S100A16: variants seen among roughly 807,000 people sequenced by gnomAD.
S100A16 encodes the protein protein S100-A16.
In S100A16, 8 loss-of-function variants were observed where a neutral mutation model predicts 9.0. The observed-to-expected ratio is 0.89, with a 90% confidence interval of 0.52 to 1.60. The LOEUF (loss-of-function observed/expected upper bound fraction) is 1.60, where lower values mean the gene tolerates loss of function less well. S100A16 is among the 40% of genes most tolerant of loss of function. S100A16 has a pLI of 0.00. For synonymous variants in S100A16, 51 were observed against 51.4 expected, an observed-to-expected ratio of 0.99 and a Z score of 0.04; for missense variants, 138 against 132.4, an observed-to-expected ratio of 1.04 and a Z score of -0.21.
Position 153,607,952 on chromosome 1 carries a change from G to A in S100A16, c.153+47C>T, listed in dbSNP as rs750576028. The A allele has an allele frequency of 5.0e-6, 8 of 1,585,404 alleles. No individual in the cohort carries two copies. The African/African-American group carries it at 9.4e-5, about 19-fold the overall frequency. On this transcript the variant is annotated intron_variant, in intron 2 of 2. Coordinates refer to ENST00000368706, the MANE Select transcript of S100A16 (RefSeq NM_080388.3). ...CCCTCAGAGGCCAGAGGCTTGCAGG[G>A]GAGGGAAGGGGAGAGGGAGGCAAGG...
At chr1:153,609,093 G>A (rs577199554) in intron 1 of S100A16, 2 of 985,736 alleles carry the variant, frequency 2.0e-6, no homozygotes, top group Non-Finnish European at 2.4e-6. Flanking sequence ...CACGGCCCAT[G>A]CCCAAAACCC....
chr1:153,610,491 C>T (rs1251586929), intron 1 of S100A16, among the ~76,000 whole-genome samples: 1 of 152,146 alleles, frequency 6.6e-6, no homozygotes, highest in Non-Finnish European at 1.5e-5. Flanking sequence ...ATGACTCAAC[C>T]CCTGCTTGGC....
intron 1 of S100A16, among the ~76,000 whole-genome samples, chr1:153,609,609 G>T (rs1666789656): frequency 6.6e-6 from 1 of 152,192 alleles, no homozygotes; most frequent in African/African-American, 2.4e-5. Flanking sequence ...TCTGAACCAA[G>T]CGGCGGGACT....
chr1:153,607,490 C>T lies in S100A16; in HGVS notation c.*44G>A, dbSNP rs777838685. ...AGGGAGCCTGGGGAGAGCACCAGGG[C>T]GGGGCATCAGGCCAGTGCCTGGAAG... On this transcript the variant is annotated 3_prime_UTR_variant, in exon 3 of 3. Transcript: ENST00000368706. 2.5e-5 allele frequency: 41 copies of T among 1,610,902 alleles called. No homozygotes were observed. Among genetic ancestry groups the T allele is most frequent in the Non-Finnish European group, 2.7e-5 (32 of 1,178,320 alleles).
At chr1:153,610,556 C>T (rs1487453244) in intron 1 of S100A16, among the ~76,000 whole-genome samples, 1 of 152,216 alleles carries the variant, frequency 6.6e-6, no homozygotes, top group Non-Finnish European at 1.5e-5. Context: ...ATGACTCTGC[C>T]ACCTGCTCCC....
In S100A16 at chr1:153,607,586, G is replaced by T. The variant is rs1250212898; in HGVS notation, c.260C>A (p.Thr87Asn). ...ATGGATGAGTTTGGCGATGGGGCCG[G>T]TGATGCCGCCTATCAAGGTCCAGTA... ...DEYWTLIGGITGPIAKLIHEQ... is the reference protein window; with the variant it reads ...DEYWTLIGGINGPIAKLIHEQ... The change falls in exon 3 of 3, where the codon ACC becomes AAC. Residue 87 changes from threonine to asparagine, a missense_variant. Physicochemically the swap from Thr to Asn is moderately conservative, Grantham distance 65. Transcript: ENST00000368706. The T allele has an allele frequency of 3.3e-5, 54 of 1,614,106 alleles. No homozygotes were observed. The highest frequency in any genetic ancestry group is 4.5e-5 in the Non-Finnish European group (53 of 1,180,028).
intron 1 of S100A16, 26 bp from the exon 2 acceptor site, chr1:153,608,203 A>G: frequency 1.2e-6 from 2 of 1,601,838 alleles, no homozygotes; most frequent in Non-Finnish European, 1.7e-6. Flanking sequence ...AGGGGAGATG[A>G]GAAGAGACAC....
intron 1 of S100A16, among the ~76,000 whole-genome samples, chr1:153,612,598 C>G (rs1666861766): frequency 2.6e-5 from 4 of 152,112 alleles, no homozygotes; most frequent in Admixed American, 2.6e-4. Context: ...CTGACCACCC[C>G]CAACCCAGAC....
chr1:153,608,407 T>C lies in S100A16; in HGVS notation c.-26-230A>G, dbSNP rs540492764. ...CCCCAGCTCAACCGCCTCAACAGGTTCTCCAGGCCCTGCCCCAGCCCCAGG... is the reference window on the plus strand; with the variant it reads ...CCCCAGCTCAACCGCCTCAACAGGTCCTCCAGGCCCTGCCCCAGCCCCAGG... On this transcript the variant is annotated intron_variant, in intron 1 of 2. Coordinates refer to ENST00000368706, the MANE Select transcript of S100A16 (RefSeq NM_080388.3). 2.5e-4 allele frequency: 121 copies of C among 488,734 alleles called. No individual in the cohort carries two copies. In the East Asian group the frequency reaches 3.9e-3, roughly 16 times the overall value. The allele number at this position is 488,734 out of a possible 1,614,324, so 30.3% of individuals were successfully genotyped here.
Position 153,607,971 on chromosome 1 carries a change from G to T in S100A16, c.153+28C>A, listed in dbSNP as rs766396316. 8 of 1,610,616 alleles carry T rather than the reference G, an allele frequency of 5.0e-6. No individual in the cohort carries two copies. The African/African-American group carries it at 9.3e-5, about 19-fold the overall frequency. ...TGCAGGGGAGGGAAGGGGAGAGGGA[G>T]GCAAGGCCCTTGGGTGAGAGGCCTT... On this transcript the variant is annotated intron_variant, in intron 2 of 2. Transcript: ENST00000368706.
intron 1 of S100A16, among the ~76,000 whole-genome samples, chr1:153,611,728 G>A (rs1425465088): frequency 2.6e-5 from 4 of 152,022 alleles, no homozygotes; most frequent in East Asian, 1.9e-4. Flanking sequence ...ACCTCTATCA[G>A]CAAGGCTGTT....
chr1:153,609,101 C>T, intron 1 of S100A16: 1 of 985,476 alleles, frequency 1.0e-6, no homozygotes, highest in Non-Finnish European at 1.2e-6. Context: ...ATGCCCAAAA[C>T]CCCCCCACAT....
chr1:153,609,160 T>G, intron 1 of S100A16: 1 of 985,546 alleles, frequency 1.0e-6, no homozygotes, highest in South Asian at 4.7e-5. Context: ...CCCAGGAATG[T>G]GCTCCAGTCA....
intron 1 of S100A16, among the ~76,000 whole-genome samples, chr1:153,612,233 T>C (rs559164625): frequency 3.3e-4 from 50 of 152,100 alleles, no homozygotes; most frequent in Non-Finnish European, 6.2e-4. Flanking sequence ...AAGGCTCCCA[T>C]AGTGCAGGTG....
At position 153,607,648 on chromosome 1, in the gene S100A16, C is replaced by G. The variant is rs761272693; in HGVS notation, c.198G>C (p.Leu66=). The G allele has an allele frequency of 1.2e-5, 20 of 1,614,188 alleles. No individual in the cohort carries two copies. In the Admixed American group the frequency reaches 3.0e-4, roughly 24 times the overall value. Residue 66 remains leucine, a synonymous_variant, in exon 3 of 3, where the codon CTG becomes CTC. Transcript: ENST00000368706. ...RKAADKLIQN[L]DANHDGRISF... is the part of the protein sequence containing the mutation. ...TGATGCGCCCATCATGATTGGCATC[C>G]AGGTTCTGGATGAGCTTATCCGCAG...
intron 1 of S100A16, chr1:153,608,893 C>T (rs572283487): frequency 1.4e-4 from 135 of 984,752 alleles, no homozygotes; most frequent in Non-Finnish European, 1.6e-4. Flanking sequence ...ACCCACACAT[C>T]GTTACCTAAG....
chr1:153,608,465 T>C lies in S100A16; in HGVS notation c.-26-288A>G, dbSNP rs895452354. On this transcript the variant is annotated intron_variant, in intron 1 of 2. Coordinates refer to ENST00000368706, the MANE Select transcript of S100A16 (RefSeq NM_080388.3). ...TTCCAGCCCTAGGGAGCAAGATCCC[T>C]AGTGTCAGAGCCCTACGGGGCAAGA... The C allele has an allele frequency of 1.3e-5, 5 of 374,698 alleles. No individual in the cohort carries two copies. The East Asian group carries it at 2.7e-4, about 20-fold the overall frequency. The allele number at this position is 374,698 out of a possible 1,614,324, so 23.2% of individuals were successfully genotyped here.
intron 1 of S100A16, chr1:153,608,790 G>C (rs1192962481): frequency 2.7e-6 from 1 of 374,326 alleles, no homozygotes; most frequent in Non-Finnish European, 3.7e-6. Context: ...ATCAGATTTT[G>C]TGCAGCTCTC....
chr1:153,609,268 G>T, intron 1 of S100A16: 1 of 985,680 alleles, frequency 1.0e-6, no homozygotes, highest in South Asian at 4.7e-5. Flanking sequence ...GGAAGGAAAG[G>T]CTGCTCGGTC....
Sources: gnomAD v4.1 joint callset for allele counts (sites outside exome capture counted in the v4.1 genomes callset) on GRCh38, gnomAD v4.1.1 for gene constraint, MANE v1.5 for transcripts, NCBI Gene and HGNC (gene_info 2026-07-23, HGNC 2026-07-21) for gene names.